Variants in PLEKHM3 observed in about 807,000 individuals in gnomAD.
PLEKHM3 encodes pleckstrin homology domain containing M3, also known as pleckstrin homology domain-containing family M member 3.
Under a neutral mutation model 81.8 loss-of-function variants are expected in PLEKHM3, and 45 were observed. The observed-to-expected ratio is 0.55, with a 90% confidence interval of 0.43 to 0.71. The LOEUF (loss-of-function observed/expected upper bound fraction) is 0.71, where lower values mean the gene tolerates loss of function less well. Ranked by LOEUF, PLEKHM3 falls within the 30% of genes least tolerant of loss-of-function variation. PLEKHM3 has a pLI of 0.00. For synonymous variants in PLEKHM3, 352 were observed against 356.4 expected, an observed-to-expected ratio of 0.99 and a Z score of 0.14; for missense variants, 788 against 924.3, an observed-to-expected ratio of 0.85 and a Z score of 1.91.
At chr2:207,908,646 C>A in intron 5 of PLEKHM3, 69 bp from the exon 6 acceptor site, 2 of 1,394,240 alleles carry the variant, frequency 1.4e-6, no homozygotes, top group South Asian at 2.4e-5. Context: ...TGATAAGTTT[C>A]AGTCTCATTC....
At chr2:207,923,905 A>ATTTTTTTTTTTTTT (rs869041855) in intron 5 of PLEKHM3, among the ~76,000 whole-genome samples, 1 of 28,348 alleles carries the variant, frequency 3.5e-5, no homozygotes, top group Non-Finnish European at 6.4e-5. Context: ...ATATATATAT[A>ATTTTTTTTTTTTTT]TTTTTTTTTT....
intron 7 of PLEKHM3, among the ~76,000 whole-genome samples, chr2:207,831,049 G>A (rs2092284750): frequency 6.6e-6 from 1 of 152,178 alleles, no homozygotes; most frequent in South Asian, 2.1e-4. Flanking sequence ...GGGTGCTGCG[G>A]GGCTCAGGTA....
At chr2:207,949,854 G>A (rs566009868) in intron 3 of PLEKHM3, among the ~76,000 whole-genome samples, 2 of 152,300 alleles carry the variant, frequency 1.3e-5, no homozygotes, top group South Asian at 4.1e-4. Flanking sequence ...AGGCACTACT[G>A]GATTTATCTG....
intron 5 of PLEKHM3, chr2:207,929,986 C>T (rs769043835): frequency 3.5e-5 from 24 of 678,960 alleles, no homozygotes; most frequent in South Asian, 8.0e-5. Context: ...GACTTATGAA[C>T]GCCATCAACA....
chr2:208,012,560 T>C (rs1472586852), intron 1 of PLEKHM3, among the ~76,000 whole-genome samples: 1 of 152,226 alleles, frequency 6.6e-6, no homozygotes, highest in Non-Finnish European at 1.5e-5. Flanking sequence ...GTGAGTAGGC[T>C]GAATCCAACC....
At chr2:207,828,621 A>C in intron 7 of PLEKHM3, 125 bp from the exon 8 acceptor site, 1 of 836,612 alleles carries the variant, frequency 1.2e-6, no homozygotes, top group Non-Finnish European at 1.8e-6. Context: ...TGCCAATGGG[A>C]AGGGAGATGA....
intron 7 of PLEKHM3, among the ~76,000 whole-genome samples, chr2:207,832,554 G>C (rs1011711953): frequency 1.3e-5 from 2 of 152,156 alleles, no homozygotes; most frequent in African/African-American, 4.8e-5. Flanking sequence ...CACTTTGGGA[G>C]GCTGAGGCAG....
At chr2:207,855,874 G>T (rs1056123675) in intron 7 of PLEKHM3, among the ~76,000 whole-genome samples, 1 of 152,102 alleles carries the variant, frequency 6.6e-6, no homozygotes, top group Non-Finnish European at 1.5e-5. Context: ...TATGGTATCC[G>T]GGAACAGAAG....
At chr2:207,988,023 C>T (rs1238526257) in intron 2 of PLEKHM3, among the ~76,000 whole-genome samples, 2 of 152,206 alleles carry the variant, frequency 1.3e-5, no homozygotes, top group Non-Finnish European at 2.9e-5. Context: ...CCAGCAAATA[C>T]AAATTCATAT....
Position 207,822,145 on chromosome 2 carries a change from G to A in PLEKHM3, c.*6174C>T, listed in dbSNP as rs139668815. 1.3e-5 allele frequency: 2 copies of A among 152,324 alleles called. No homozygotes were observed. The highest frequency in any genetic ancestry group is 3.9e-4 in the East Asian group (2 of 5,184). The allele number at this position is 152,324 out of a possible 1,614,324, so 9.4% of individuals were successfully genotyped here. A position where few individuals can be genotyped will look rare whatever the true frequency, so the allele number is the denominator to read the frequency against. On this transcript the variant is annotated 3_prime_UTR_variant, in exon 8 of 8. Transcript: ENST00000427836. ...AGATTCTGATAGGTGACCAAAGCTA[G>A]AACCTAGGCCTCCAGCAGCCAAAGC...
chr2:207,873,912 T>A (rs1389098375), intron 6 of PLEKHM3, among the ~76,000 whole-genome samples: 1 of 152,222 alleles, frequency 6.6e-6, no homozygotes, highest in East Asian at 1.9e-4. Flanking sequence ...AATACATTGC[T>A]GGCTCACTGA....
chr2:207,849,843 C>T (rs780931663), intron 7 of PLEKHM3, among the ~76,000 whole-genome samples: 1 of 152,210 alleles, frequency 6.6e-6, no homozygotes, highest in Non-Finnish European at 1.5e-5. Flanking sequence ...CTTAGGCAAG[C>T]TTAAACCAAA....
intron 2 of PLEKHM3, among the ~76,000 whole-genome samples, chr2:207,982,763 G>A (rs891393856): frequency 6.6e-6 from 1 of 151,554 alleles, no homozygotes; most frequent in African/African-American, 2.4e-5. Flanking sequence ...ATTTTTAGTA[G>A]AGACAGGGTT....
intron 4 of PLEKHM3, among the ~76,000 whole-genome samples, chr2:207,935,887 A>T (rs1026242919): frequency 6.6e-6 from 1 of 152,250 alleles, no homozygotes; most frequent in Non-Finnish European, 1.5e-5. Context: ...GGACACTGAC[A>T]TGTAGGATCC....
At chr2:207,881,506 C>G (rs1164102964) in intron 6 of PLEKHM3, among the ~76,000 whole-genome samples, 1 of 152,196 alleles carries the variant, frequency 6.6e-6, no homozygotes, top group Non-Finnish European at 1.5e-5. Context: ...GACTCAAACT[C>G]AGGTCTACCA....
chr2:207,911,038 T>C (rs1688794652), intron 5 of PLEKHM3, among the ~76,000 whole-genome samples: 1 of 152,144 alleles, frequency 6.6e-6, no homozygotes, highest in South Asian at 2.1e-4. Context: ...GCTTCCTATG[T>C]GCTGAATATC....
At chr2:207,892,999 C>T (rs900477472) in intron 6 of PLEKHM3, among the ~76,000 whole-genome samples, 7 of 152,134 alleles carry the variant, frequency 4.6e-5, no homozygotes, top group Non-Finnish European at 2.9e-5. Flanking sequence ...CCCAGACAAA[C>T]GTGAAAGCCT....
chr2:208,024,586 T>G (rs552242821), intron 1 of PLEKHM3, among the ~76,000 whole-genome samples: 1 of 152,214 alleles, frequency 6.6e-6, no homozygotes, highest in Non-Finnish European at 1.5e-5. Context: ...ATTTTAAGTA[T>G]GCCAATTATA....
intron 4 of PLEKHM3, among the ~76,000 whole-genome samples, chr2:207,937,846 C>T (rs144403633): frequency 5.9e-5 from 9 of 152,216 alleles, no homozygotes; most frequent in South Asian, 4.1e-4. Flanking sequence ...TCAATTCTAA[C>T]GGTAATACTT....
Sources: gnomAD v4.1 joint callset for allele counts (sites outside exome capture counted in the v4.1 genomes callset) on GRCh38, gnomAD v4.1.1 for gene constraint, MANE v1.5 for transcripts, NCBI Gene and HGNC (gene_info 2026-07-23, HGNC 2026-07-21) for gene names.